EIF5B: variants seen among roughly 807,000 people sequenced by gnomAD.
The protein encoded by EIF5B is eukaryotic translation initiation factor 5B, also known as eIF-5B.
In EIF5B, 47 loss-of-function variants were observed where a neutral mutation model predicts 147.5. That is an observed-to-expected ratio of 0.32 (90% confidence interval 0.25 to 0.41). EIF5B has a LOEUF of 0.41. Ranked by LOEUF, EIF5B falls within the 10% of genes least tolerant of loss-of-function variation. EIF5B has a pLI of 1.00. For synonymous variants in EIF5B, 455 were observed against 456.2 expected, an observed-to-expected ratio of 1.00 and a Z score of 0.03; for missense variants, 1,064 against 1,413.2, an observed-to-expected ratio of 0.75 and a Z score of 3.96.
rs1205135429 is a variant in EIF5B, at chr2:99,367,459, G to A, written c.1289-1034G>A. 8.9e-5 allele frequency among the ~76,000 whole-genome samples: 13 copies of A among 146,696 alleles called. No individual in the cohort carries two copies. In the Admixed American group the frequency reaches 8.9e-4, roughly 10 times the overall value. On this transcript the variant is annotated intron_variant, in intron 6 of 23. Coordinates refer to ENST00000289371, the MANE Select transcript of EIF5B (RefSeq NM_015904.4). Reference sequence around the variant, plus strand: ...TTTTTTTTTTTCTCTCTTTTTTTGAGACAGAGTTTCGCTATTGTCCAGACT... The same window carrying A: ...TTTTTTTTTTTCTCTCTTTTTTTGAAACAGAGTTTCGCTATTGTCCAGACT...
chr2:99,352,356 T>C (rs1673984713), intron 1 of EIF5B, among the ~76,000 whole-genome samples: 1 of 151,944 alleles, frequency 6.6e-6, no homozygotes, highest in East Asian at 1.9e-4. Flanking sequence ...CCACCATGCC[T>C]GGCTAATTTT....
At chr2:99,382,109 C>A in intron 12 of EIF5B, 50 bp from the exon 13 acceptor site, 2 of 1,500,350 alleles carry the variant, frequency 1.3e-6, no homozygotes, top group Non-Finnish European at 1.9e-6. Context: ...TGTAAAGAAG[C>A]TTTCATGTCT....
chr2:99,343,027 A>G (rs2094263856), intron 1 of EIF5B, among the ~76,000 whole-genome samples: 2 of 147,150 alleles, frequency 1.4e-5, no homozygotes, highest in South Asian at 4.3e-4. Context: ...GTGGCGTGAT[A>G]TTGGCTCACT....
At position 99,382,932 on chromosome 2, in the gene EIF5B, C is replaced by T; in HGVS notation, c.2271+11C>T. On this transcript the variant is annotated intron_variant, in intron 14 of 23. Transcript: ENST00000289371. ...GTTGCACTCAATAAGGTATGTGCGC[C>T]TTCTGAAAAATTAACCTAGGAAAAC... 1 of 1,550,862 alleles carries T rather than the reference C, an allele frequency of 6.4e-7. No individual in the cohort carries two copies. Among genetic ancestry groups the T allele is most frequent in the Non-Finnish European group, 8.7e-7 (1 of 1,154,022 alleles).
chr2:99,360,187 A>T, intron 1 of EIF5B, 49 bp from the exon 2 acceptor site: 1 of 1,548,570 alleles, frequency 6.5e-7, no homozygotes, highest in Non-Finnish European at 8.7e-7. Flanking sequence ...TAAATGAATG[A>T]TTATTTTGCT....
rs560787445 is a variant in EIF5B at position 99,374,843 on chromosome 2, A to G, written c.1553-1504A>G. On this transcript the variant is annotated intron_variant, in intron 9 of 23. Transcript: ENST00000289371. ...CATTTTCTCCCTCAGAATTCCAATG[A>G]TGTCTCTGATAGGCCCTCTTATTGT... 2.6e-5 allele frequency among the ~76,000 whole-genome samples: 4 copies of G among 152,012 alleles called. No individual in the cohort carries two copies. In the East Asian group the frequency reaches 7.7e-4, roughly 29 times the overall value.
chr2:99,359,318 G>C lies in EIF5B; in HGVS notation c.36-918G>C, dbSNP rs373469602. Among the ~76,000 whole-genome samples, 21 of 151,766 alleles carry C rather than the reference G, an allele frequency of 1.4e-4. No individual in the cohort carries two copies. The East Asian group carries it at 2.3e-3, about 17-fold the overall frequency. ...CAGGAGGTGGAGGTTGCAGTGAGCC[G>C]AGATCACGCCACTGCACTCCAGCCT... On this transcript the variant is annotated intron_variant, in intron 1 of 23. Coordinates refer to ENST00000289371, the MANE Select transcript of EIF5B (RefSeq NM_015904.4).
At chr2:99,347,472 C>T (rs2094275727) in intron 1 of EIF5B, among the ~76,000 whole-genome samples, 1 of 150,588 alleles carries the variant, frequency 6.6e-6, no homozygotes, top group Non-Finnish European at 1.5e-5. Flanking sequence ...TTCAGTAGAT[C>T]TGGGGTGAGG....
At position 99,396,876 on chromosome 2, in the gene EIF5B, C is replaced by T. The variant is rs773233164; in HGVS notation, c.3371C>T (p.Pro1124Leu). Residue 1124 changes from proline (P) to leucine (L), a missense_variant, in exon 22 of 24, where the codon CCC (proline) becomes CTC (leucine). This residue lies in a region of EIF5B where 380 missense variants were observed against 715.6 expected (regional missense o/e 0.53). Transcript: ENST00000289371. ...VEAGQVKQGT[P>L]MCVPSKNFVD... is the part of the protein sequence containing the mutation. ...GCAGGTCAGGTGAAACAGGGGACAC[C>T]CATGTGTGTCCCAAGCAAAAATGTA... 3 of 1,601,204 alleles carry T rather than the reference C, an allele frequency of 1.9e-6. No homozygotes were observed. Among genetic ancestry groups the T allele is most frequent in the East Asian group, 2.2e-5 (1 of 44,792 alleles).
At chr2:99,338,005 G>A (rs184181609) in intron 1 of EIF5B, among the ~76,000 whole-genome samples, 42 of 152,352 alleles carry the variant, frequency 2.8e-4, no homozygotes, top group Non-Finnish European at 1.2e-4. Context: ...GAGCTTGAAT[G>A]TGATGTACGG....
chr2:99,398,457 C>T (rs933249677), intron 22 of EIF5B: 8 of 241,826 alleles, frequency 3.3e-5, no homozygotes, highest in Non-Finnish European at 5.6e-5. Flanking sequence ...GCACCTGTCA[C>T]GTGAAATGGT....
intron 12 of EIF5B, among the ~76,000 whole-genome samples, chr2:99,381,328 A>G (rs1260092341): frequency 6.6e-6 from 1 of 152,158 alleles, no homozygotes; most frequent in Non-Finnish European, 1.5e-5. Flanking sequence ...CCTTTATATG[A>G]CAATTGTAAT....
intron 1 of EIF5B, among the ~76,000 whole-genome samples, chr2:99,352,975 A>C (rs1674005944): frequency 7.0e-6 from 1 of 143,164 alleles, no homozygotes; most frequent in Non-Finnish European, 1.5e-5. Context: ...GGCACATGCC[A>C]CTATGCCTGG....
rs149654810 is a variant in EIF5B, at chr2:99,394,350, G to A, written c.2964G>A (p.Leu988=). The A allele has an allele frequency of 5.8e-4, 939 of 1,614,100 alleles. 6 individuals are homozygous for A. The African/African-American group carries it at 0.011, about 20-fold the overall frequency. The change falls in exon 19 of 24, where the codon CTG becomes CTA. Residue 988 remains leucine (L), a synonymous_variant. Transcript: ENST00000289371. ...GAGTCTATGTCCAGGCATCTACACT[G>A]GGTTCTTTGGAAGCTCTACTGGAAT... The part of the protein sequence containing the change: ...EKGVYVQAST[L]GSLEALLEFL...
chr2:99,352,412 A>T (rs1173799982), intron 1 of EIF5B, among the ~76,000 whole-genome samples: 1 of 151,256 alleles, frequency 6.6e-6, no homozygotes, highest in Non-Finnish European at 1.5e-5. Context: ...TCAGGCTGGT[A>T]TCCAACTCCC....
rs1674564682 is a variant in EIF5B, at chr2:99,376,411, A to G, written c.1617A>G (p.Glu539=). ...CTGAAGAGGAGGAGGAGGAGGAAGAAGAGGAAGAAGAAGATGAAGAAAGTG... is the reference window on the plus strand; with the variant it reads ...CTGAAGAGGAGGAGGAGGAGGAAGAGGAGGAAGAAGAAGATGAAGAAAGTG... The part of the protein sequence containing the change: ...ENPEEEEEEE[E]EEEEDEESEE... Residue 539 remains glutamate (E), a synonymous_variant, in exon 10 of 24, where the codon GAA becomes GAG. Coordinates refer to ENST00000289371, the MANE Select transcript of EIF5B (RefSeq NM_015904.4). 1 of 1,562,432 alleles carries G rather than the reference A, an allele frequency of 6.4e-7. No homozygotes were observed. The highest frequency in any genetic ancestry group is 1.4e-5 in the African/African-American group (1 of 73,170).
At chr2:99,373,770 G>A (rs1674502981) in intron 9 of EIF5B, among the ~76,000 whole-genome samples, 1 of 151,872 alleles carries the variant, frequency 6.6e-6, no homozygotes, top group South Asian at 2.1e-4. Flanking sequence ...GTTCTGCCTG[G>A]TTCTTTTTCT....
At position 99,369,445 on chromosome 2, in the gene EIF5B, C is replaced by T; in HGVS notation, c.1441C>T (p.Pro481Ser). Residue 481 changes from proline to serine, a missense_variant, in exon 8 of 24, where the codon CCA becomes TCA. Physicochemically the swap from Pro to Ser is moderately conservative, Grantham distance 74. Transcript: ENST00000289371. ...AAVEVMEQGV[P>S]EKEETPPPVE... The stretch of plus-strand genomic sequence containing the variant: ...TGTAGAAGTTATGGAACAAGGAGTA[C>T]CAGAAAAGGAAGAGACACCACCTCC... 6.2e-7 allele frequency: 1 copy of T among 1,610,512 alleles called. No individual in the cohort carries two copies. The highest frequency in any genetic ancestry group is 1.1e-5 in the South Asian group (1 of 90,958).
intron 1 of EIF5B, among the ~76,000 whole-genome samples, chr2:99,343,223 T>C (rs1459145660): frequency 6.6e-6 from 1 of 151,842 alleles, no homozygotes; most frequent in African/African-American, 2.4e-5. Context: ...CCCAAAGTGC[T>C]GGGATCATAG....
Sources: gnomAD v4.1 joint callset for allele counts (sites outside exome capture counted in the v4.1 genomes callset) on GRCh38, gnomAD v4.1.1 for gene constraint, gnomAD v4.1.1 regional missense constraint, MANE v1.5 for transcripts, NCBI Gene and HGNC (gene_info 2026-07-23, HGNC 2026-07-21) for gene names.